The following CDH23 variants were observed in gnomAD, a reference collection of about 807,000 sequenced individuals.
CDH23 encodes the protein cadherin-23.
A neutral mutation model predicts 317.1 loss-of-function variants in CDH23; 189 were observed. That is an observed-to-expected ratio of 0.60 (90% CI 0.53 to 0.67). The LOEUF is 0.67. CDH23 is among the 30% of genes least tolerant of loss of function. The probability of loss-of-function intolerance (pLI) is 0.00; values close to 1 mark genes in which losing one functional copy is unlikely to be tolerated. For synonymous variants in CDH23, 1,839 were observed against 1,876.8 expected (o/e 0.98, Z 0.52); for missense variants, 4,401 against 4,592.4 (o/e 0.96, Z 1.20).
Position 71,793,445 on chromosome 10 carries a change from G to T in CDH23, c.6517G>T (p.Glu2173Ter), listed in dbSNP as rs770659035. 4 of 1,613,958 alleles carry T rather than the reference G, an allele frequency of 2.5e-6. No individual in the cohort carries two copies. Among genetic ancestry groups the T allele is most frequent in the Non-Finnish European group, 2.5e-6 (3 of 1,179,890 alleles). Residue 2173 changes from glutamate to a stop codon, truncating the protein, a stop_gained, in exon 48 of 70, where the codon GAG becomes TAG. Coordinates refer to ENST00000224721, the MANE Select transcript of CDH23 (RefSeq NM_022124.6). LOFTEE classifies it high-confidence loss of function. The stretch of plus-strand genomic sequence containing the variant: ...CGATGACATCAATGACTCCCGCCCC[G>T]AGTTCCTCAACCCCATCCAGACAGT... ...LIDDINDSRPEFLNPIQTVSV... is the reference protein window; with the variant it reads ...LIDDINDSRP
intron 64 of CDH23, 38 bp downstream of exon 64, chr10:71,811,628 A>C (rs1202901347): frequency 3.1e-6 from 5 of 1,613,528 alleles, no homozygotes; most frequent in Non-Finnish European, 4.2e-6. Context: ...GGGGCCGACC[A>C]CCTGCTCCCG....
intron 11 of CDH23, among the ~76,000 whole-genome samples, chr10:71,634,912 C>T (rs1862188595): frequency 6.6e-6 from 1 of 152,234 alleles, no homozygotes; most frequent in East Asian, 1.9e-4. Context: ...CCCCTCTAAG[C>T]CCACTTTGTT....
At chr10:71,665,470 G>T (rs188118675) in intron 14 of CDH23, among the ~76,000 whole-genome samples, 3 of 152,328 alleles carry the variant, frequency 2.0e-5, no homozygotes, top group East Asian at 3.9e-4. Context: ...CACTGAGGTC[G>T]CAGGGAAGAG....
At chr10:71,783,359 G>A (rs1841008542) in intron 41 of CDH23, among the ~76,000 whole-genome samples, 2 of 152,206 alleles carry the variant, frequency 1.3e-5, no homozygotes, top group Admixed American at 1.3e-4. Flanking sequence ...GCTCTGAGTG[G>A]TGCTGTCTGG....
At chr10:71,399,723 C>G (rs565796304) in intron 1 of CDH23, among the ~76,000 whole-genome samples, 8 of 152,022 alleles carry the variant, frequency 5.3e-5, no homozygotes, top group Non-Finnish European at 1.0e-4. Context: ...TAGGACCGTG[C>G]TTGTGAATAG....
At chr10:71,436,486 G>C (rs1849627360) in intron 1 of CDH23, among the ~76,000 whole-genome samples, 1 of 152,226 alleles carries the variant, frequency 6.6e-6, no homozygotes, top group South Asian at 2.1e-4. Flanking sequence ...GTCAGGAAAC[G>C]GGAACAGCAG....
At chr10:71,729,988 C>T (rs1352372325) in intron 30 of CDH23, among the ~76,000 whole-genome samples, 3 of 152,060 alleles carry the variant, frequency 2.0e-5, no homozygotes, top group Non-Finnish European at 2.9e-5. Flanking sequence ...GCGCCCGCCA[C>T]CACGCCCGGC....
chr10:71,623,990 T>C lies in CDH23; in HGVS notation c.1134+6597T>C, dbSNP rs150509539. ...TTCCAGGCAAGACTCGTCCTCCCGCTGTGCCTCAGTGTCTGCCTCTGGAAA... is the reference window on the plus strand; with the variant it reads ...TTCCAGGCAAGACTCGTCCTCCCGCCGTGCCTCAGTGTCTGCCTCTGGAAA... On this transcript the variant is annotated intron_variant, in intron 11 of 69. Coordinates refer to ENST00000224721, the MANE Select transcript of CDH23 (RefSeq NM_022124.6). 9.2e-3 allele frequency among the ~76,000 whole-genome samples: 1,403 copies of C among 152,352 alleles called. 25 individuals carry two copies. The highest frequency in any genetic ancestry group is 0.032 in the African/African-American group (1,339 of 41,572).
intron 9 of CDH23, among the ~76,000 whole-genome samples, chr10:71,612,040 G>T: frequency 6.6e-6 from 1 of 152,190 alleles, no homozygotes; most frequent in South Asian, 2.1e-4. Context: ...ATCCCAGAGA[G>T]TACCAGTGTT....
At chr10:71,465,572 G>T (rs1157904459) in intron 3 of CDH23, among the ~76,000 whole-genome samples, 2 of 152,240 alleles carry the variant, frequency 1.3e-5, no homozygotes, top group Non-Finnish European at 2.9e-5. Flanking sequence ...GCAGGGGGGT[G>T]CCCCCGTGGC....
intron 14 of CDH23, chr10:71,646,951 C>A: frequency 1.0e-6 from 1 of 985,272 alleles, no homozygotes; most frequent in Non-Finnish European, 1.2e-6. Flanking sequence ...TGCCAGCCAT[C>A]CTTGAGAAGG....
chr10:71,811,756 A>G lies in CDH23; in HGVS notation c.9319+3A>G. ...GGCCATTGTGGCTGGCTCAGCTGGT[A>G]AGTGAGGGCCATAGTGGGGACACAG... is the stretch of plus-strand genomic sequence containing the variant. On this transcript the variant is annotated splice_donor_region_variant and intron_variant, in intron 65 of 69. Coordinates refer to ENST00000224721, the MANE Select transcript of CDH23 (RefSeq NM_022124.6). The G allele has an allele frequency of 1.9e-6, 3 of 1,571,834 alleles. No individual in the cohort carries two copies. The South Asian group carries it at 3.5e-5, about 18-fold the overall frequency.
At chr10:71,582,506 C>T (rs1858711475) in intron 9 of CDH23, among the ~76,000 whole-genome samples, 1 of 152,146 alleles carries the variant, frequency 6.6e-6, no homozygotes, top group Admixed American at 6.5e-5. Flanking sequence ...TTAAAATCCC[C>T]CATGTGCCCA....
chr10:71,445,203 C>T (rs1850097346), intron 2 of CDH23, among the ~76,000 whole-genome samples: 1 of 152,210 alleles, frequency 6.6e-6, no homozygotes, highest in South Asian at 2.1e-4. Context: ...TTACTTATGC[C>T]CTGGAGTTCT....
At chr10:71,569,724 C>T (rs918108132) in intron 7 of CDH23, among the ~76,000 whole-genome samples, 5 of 152,172 alleles carry the variant, frequency 3.3e-5, no homozygotes, top group African/African-American at 1.2e-4. Flanking sequence ...GAATAATGGG[C>T]TCATCATAAC....
intron 22 of CDH23, among the ~76,000 whole-genome samples, chr10:71,695,819 C>T (rs1865366628): frequency 1.3e-5 from 2 of 152,184 alleles, no homozygotes; most frequent in African/African-American, 4.8e-5. Flanking sequence ...GCTTGTGAGC[C>T]ACACGTGCCC....
At chr10:71,720,192 G>A (rs1409882098) in intron 28 of CDH23, among the ~76,000 whole-genome samples, 3 of 152,208 alleles carry the variant, frequency 2.0e-5, no homozygotes, top group Non-Finnish European at 4.4e-5. Flanking sequence ...AGCCCCTGAG[G>A]CCCCTCCTGC....
chr10:71,733,652 T>G (rs187972989), intron 32 of CDH23, among the ~76,000 whole-genome samples: 1 of 152,370 alleles, frequency 6.6e-6, no homozygotes, highest in East Asian at 1.9e-4. Context: ...TATTTCCCTT[T>G]TCACCTTGGC....
chr10:71,397,231 C>T lies in CDH23; in HGVS notation c.-93C>T. 9.2e-6 allele frequency: 2 copies of T among 218,522 alleles called. No homozygotes were observed. The highest frequency in any genetic ancestry group is 4.8e-5 in the South Asian group (1 of 20,692). The allele number at this position is 218,522 out of a possible 1,614,324, so 13.5% of individuals were successfully genotyped here. On this transcript the variant is annotated 5_prime_UTR_variant, in exon 1 of 70. Transcript: ENST00000224721. The surrounding 1 kb of genome is among the most constrained non-coding windows in gnomAD (Gnocchi z 4.8). ...CGGGAAGACGCGGCGGTGGCCAGGGCCAGAGCAGGCGGCCCGCGGGGGCCG... is the reference window on the plus strand; with the variant it reads ...CGGGAAGACGCGGCGGTGGCCAGGGTCAGAGCAGGCGGCCCGCGGGGGCCG...
Sources: allele counts gnomAD v4.1 joint callset (sites outside exome capture counted in the v4.1 genomes callset), GRCh38; gene constraint gnomAD v4.1.1; non-coding constraint Gnocchi (gnomAD v3.1); transcripts MANE v1.5; gene names NCBI Gene and HGNC (gene_info 2026-07-23, HGNC 2026-07-21).